Variants in PXDNL observed in about 807,000 individuals in gnomAD.
The protein encoded by PXDNL is peroxidasin like, also known as probable oxidoreductase PXDNL.
A neutral mutation model predicts 150.8 loss-of-function variants in PXDNL; 145 were observed. That is an observed-to-expected ratio of 0.96 (90% CI 0.84 to 1.10). The LOEUF (loss-of-function observed/expected upper bound fraction) is 1.10, where lower values mean the gene tolerates loss of function less well. PXDNL is among the 50% of genes least tolerant of loss of function. The pLI is 0.00. For synonymous variants in PXDNL, 757 were observed against 725.7 expected, an observed-to-expected ratio of 1.04 and a Z score of -0.69; for missense variants, 2,087 against 1,873.9, an observed-to-expected ratio of 1.11 and a Z score of -2.10.
chr8:51,657,090 C>T (rs543836065), intron 1 of PXDNL, among the ~76,000 whole-genome samples: 2 of 152,274 alleles, frequency 1.3e-5, no homozygotes, highest in South Asian at 4.1e-4. Flanking sequence ...TTAGCCTAGC[C>T]TACCTTAAAC....
intron 6 of PXDNL, among the ~76,000 whole-genome samples, chr8:51,477,959 A>G (rs552317494): frequency 6.6e-6 from 1 of 152,340 alleles, no homozygotes; most frequent in East Asian, 1.9e-4. Flanking sequence ...ATAGATTTTC[A>G]CTTGCCAGTC....
intron 19 of PXDNL, among the ~76,000 whole-genome samples, chr8:51,354,161 T>A (rs779247315): frequency 6.6e-6 from 1 of 152,156 alleles, no homozygotes; most frequent in African/African-American, 2.4e-5. Context: ...TTGCCTTTTA[T>A]GGGAACATAT....
chr8:51,547,428 A>G (rs547030968), intron 4 of PXDNL, among the ~76,000 whole-genome samples: 245 of 152,310 alleles, frequency 1.6e-3, no homozygotes, highest in African/African-American at 5.2e-3. Context: ...ATGGACTCCA[A>G]CAGAGTCCAC....
chr8:51,604,664 T>C (rs185500696), intron 2 of PXDNL, among the ~76,000 whole-genome samples: 175 of 152,218 alleles, frequency 1.1e-3, no homozygotes, highest in African/African-American at 3.8e-3. Flanking sequence ...ATAAAAAAAA[T>C]ACTTAAACAT....
chr8:51,407,229 T>G (rs1201764768), intron 17 of PXDNL, among the ~76,000 whole-genome samples: 1 of 152,220 alleles, frequency 6.6e-6, no homozygotes, highest in Non-Finnish European at 1.5e-5. Context: ...ATTTTCACAG[T>G]TTGAGATTCC....
rs191185729 is a variant in PXDNL at position 51,493,040 on chromosome 8, G to A, written c.452+6659C>T. ...AACTGGGAGGCACCCCCCAGTAGGGGCAGACTGACAACTCACACGGCCAGG... is the reference window on the plus strand; with the variant it reads ...AACTGGGAGGCACCCCCCAGTAGGGACAGACTGACAACTCACACGGCCAGG... On this transcript the variant is annotated intron_variant, in intron 5 of 22. Transcript: ENST00000356297. 3.9e-3 allele frequency among the ~76,000 whole-genome samples: 594 copies of A among 152,268 alleles called. 2 individuals are homozygous for A. Among genetic ancestry groups the A allele is most frequent in the African/African-American group, 0.014 (563 of 41,550 alleles).
At chr8:51,413,424 G>A (rs779408350) in intron 14 of PXDNL, among the ~76,000 whole-genome samples, 166 bp from the exon 15 acceptor site, 3 of 152,140 alleles carry the variant, frequency 2.0e-5, no homozygotes, top group Non-Finnish European at 4.4e-5. Context: ...ATTGCAGAGA[G>A]GTAGGTAATT....
At chr8:51,568,944 T>C (rs1812876768) in intron 3 of PXDNL, among the ~76,000 whole-genome samples, 1 of 151,908 alleles carries the variant, frequency 6.6e-6, no homozygotes, top group Admixed American at 6.6e-5. Context: ...AGAATTTCCT[T>C]TTCATTCTTT....
chr8:51,767,145 C>A lies in PXDNL; in HGVS notation c.164+42036G>T, dbSNP rs926284289. Among the ~76,000 whole-genome samples, 4 of 151,964 alleles carry A rather than the reference C, an allele frequency of 2.6e-5. No individual in the cohort carries two copies. The East Asian group carries it at 7.7e-4, about 29-fold the overall frequency. ...ATAACAGCTGATTTAAAATCTTTAT[C>A]TAGTTAGTCCAACATCTGAGTTTTC... On this transcript the variant is annotated intron_variant, in intron 1 of 22. Coordinates refer to ENST00000356297, the MANE Select transcript of PXDNL (RefSeq NM_144651.5).
intron 19 of PXDNL, among the ~76,000 whole-genome samples, chr8:51,350,739 TG>T (rs1246272417): frequency 6.6e-6 from 1 of 152,166 alleles, no homozygotes; most frequent in African/African-American, 2.4e-5. Flanking sequence ...CCATGTTGGA[TG>T]GACTTGGCTC....
At chr8:51,708,290 GC>G (rs1370821777) in intron 1 of PXDNL, among the ~76,000 whole-genome samples, 1 of 152,216 alleles carries the variant, frequency 6.6e-6, no homozygotes, top group Non-Finnish European at 1.5e-5. Context: ...GGAAGGGGAG[GC>G]CCTGGATCTG....
At chr8:51,799,127 T>G (rs532573678) in intron 1 of PXDNL, among the ~76,000 whole-genome samples, 1 of 152,268 alleles carries the variant, frequency 6.6e-6, no homozygotes, top group Admixed American at 6.5e-5. Context: ...CTTAGCAAAC[T>G]AATACAGGAA....
chr8:51,499,192 C>T (rs1185280059), intron 5 of PXDNL, among the ~76,000 whole-genome samples: 4 of 152,146 alleles, frequency 2.6e-5, no homozygotes, highest in Non-Finnish European at 5.9e-5. Flanking sequence ...TGCAGTGGCA[C>T]GATCTCGGCT....
chr8:51,651,241 T>C (rs1563495957), intron 2 of PXDNL, among the ~76,000 whole-genome samples: 1 of 152,184 alleles, frequency 6.6e-6, no homozygotes, highest in Non-Finnish European at 1.5e-5. Flanking sequence ...AGTATATAAT[T>C]TGGAAGCGAT....
intron 2 of PXDNL, among the ~76,000 whole-genome samples, chr8:51,641,782 G>T (rs1407489071): frequency 6.6e-6 from 1 of 152,140 alleles, no homozygotes; most frequent in Non-Finnish European, 1.5e-5. Context: ...TGCAACCATT[G>T]TGGAAGTCAG....
At chr8:51,740,474 T>C (rs570121182) in intron 1 of PXDNL, among the ~76,000 whole-genome samples, 16 of 152,334 alleles carry the variant, frequency 1.1e-4, no homozygotes, top group Non-Finnish European at 1.9e-4. Context: ...CCTATTCCTC[T>C]ACAGCCTCAC....
intron 1 of PXDNL, among the ~76,000 whole-genome samples, chr8:51,776,491 C>T (rs779033725): frequency 6.6e-6 from 1 of 152,112 alleles, no homozygotes; most frequent in African/African-American, 2.4e-5. Context: ...TAGAAAAGAA[C>T]CTACGTGAAA....
At chr8:51,406,675 C>T (rs1040240153) in intron 17 of PXDNL, among the ~76,000 whole-genome samples, 2 of 152,214 alleles carry the variant, frequency 1.3e-5, no homozygotes, top group Non-Finnish European at 2.9e-5. Context: ...CAAATGACAT[C>T]TCTTATCAGT....
At position 51,411,322 on chromosome 8, in the gene PXDNL, T is replaced by C. The variant is rs929123690; in HGVS notation, c.1990A>G (p.Ile664Val). Residue 664 changes from isoleucine (I) to valine (V), a missense_variant, in exon 16 of 23, where the codon ATT becomes GTT. Physicochemically the swap from Ile to Val is conservative, Grantham distance 29. Coordinates refer to ENST00000356297, the MANE Select transcript of PXDNL (RefSeq NM_144651.5). ...ATCAGCTGCAGCGTGTGCTCAAAAA[T>C]CTCCCCTGCTCTTGCCATTTCCACA... The part of the protein sequence containing the change: ...LIVEMARAGE[I>V]FEHTLQLIRE... 10 of 1,584,318 alleles carry C rather than the reference T, an allele frequency of 6.3e-6. No individual in the cohort carries two copies. The highest frequency in any genetic ancestry group is 8.6e-6 in the Non-Finnish European group (10 of 1,167,970).
Sources: gnomAD v4.1 joint callset for allele counts (sites outside exome capture counted in the v4.1 genomes callset) on GRCh38, gnomAD v4.1.1 for gene constraint, MANE v1.5 for transcripts, NCBI Gene and HGNC (gene_info 2026-07-23, HGNC 2026-07-21) for gene names.